CWC27: variants seen among roughly 807,000 people sequenced by gnomAD.
CWC27 encodes CWC27 spliceosome associated cyclophilin, also known as spliceosome-associated protein CWC27 homolog.
A neutral mutation model predicts 63.6 loss-of-function variants in CWC27; 47 were observed. The observed-to-expected ratio is 0.74, with a 90% CI of 0.58 to 0.94. The LOEUF (loss-of-function observed/expected upper bound fraction) is 0.94. CWC27 is among the 40% of genes least tolerant of loss of function. The probability of loss-of-function intolerance (pLI) is 0.00; values close to 1 mark genes in which losing one functional copy is unlikely to be tolerated. For synonymous variants in CWC27, 175 were observed against 179.8 expected, an observed-to-expected ratio of 0.97 and a Z score of 0.22; for missense variants, 495 against 554.3, an observed-to-expected ratio of 0.89 and a Z score of 1.07.
chr5:64,984,863 C>A (rs1207498468), intron 13 of CWC27, among the ~76,000 whole-genome samples: 1 of 152,076 alleles, frequency 6.6e-6, no homozygotes, highest in Non-Finnish European at 1.5e-5. Flanking sequence ...GAATTCTTTG[C>A]CCAACCTAAA....
intron 9 of CWC27, among the ~76,000 whole-genome samples, chr5:64,802,400 G>A (rs1054951874): frequency 1.3e-5 from 2 of 152,202 alleles, no homozygotes; most frequent in Non-Finnish European, 2.9e-5. Context: ...AGGCCATGGT[G>A]AGGGGTTTGA....
At chr5:64,874,400 G>T (rs533777117) in intron 10 of CWC27, among the ~76,000 whole-genome samples, 6 of 151,706 alleles carry the variant, frequency 4.0e-5, no homozygotes, top group African/African-American at 9.7e-5. Context: ...GACCTCGTTC[G>T]TGATCCTCCT....
chr5:64,809,992 C>T (rs1166575485), intron 10 of CWC27, among the ~76,000 whole-genome samples: 1 of 151,766 alleles, frequency 6.6e-6, no homozygotes, highest in African/African-American at 2.4e-5. Flanking sequence ...TCAGGCTATT[C>T]CCGCCTCTTT....
At chr5:64,957,520 A>G (rs572561250) in intron 11 of CWC27, among the ~76,000 whole-genome samples, 192 of 152,346 alleles carry the variant, frequency 1.3e-3, no homozygotes, top group African/African-American at 4.5e-3. Context: ...AAACAGGAAC[A>G]ACAAACTACA....
chr5:64,996,510 C>A (rs1018869932), intron 13 of CWC27, among the ~76,000 whole-genome samples: 2 of 152,120 alleles, frequency 1.3e-5, no homozygotes, highest in Admixed American at 1.3e-4. Flanking sequence ...AAGCACCAAT[C>A]TCCTTTAAAC....
intron 11 of CWC27, among the ~76,000 whole-genome samples, chr5:64,963,897 G>A (rs1282385632): frequency 6.6e-6 from 1 of 152,216 alleles, no homozygotes; most frequent in Non-Finnish European, 1.5e-5. Context: ...GAGGTGGTAT[G>A]ACTGCCTTGT....
At chr5:65,004,927 C>T (rs1372779219) in intron 13 of CWC27, among the ~76,000 whole-genome samples, 2 of 140,834 alleles carry the variant, frequency 1.4e-5, no homozygotes, top group Non-Finnish European at 3.1e-5. Context: ...CACACACACA[C>T]ACACACACTG....
At chr5:64,833,651 G>A (rs1456178060) in intron 10 of CWC27, among the ~76,000 whole-genome samples, 1 of 151,706 alleles carries the variant, frequency 6.6e-6, no homozygotes, top group Non-Finnish European at 1.5e-5. Flanking sequence ...TTATTTGGAA[G>A]TTGGTAACTC....
At chr5:64,918,434 A>G (rs1027933628) in intron 11 of CWC27, among the ~76,000 whole-genome samples, 1 of 152,174 alleles carries the variant, frequency 6.6e-6, no homozygotes, top group Non-Finnish European at 1.5e-5. Flanking sequence ...TCTTGCCACA[A>G]ATAAAAAAAA....
In CWC27 at chr5:64,990,451, G is replaced by C. The variant is rs1180542757; in HGVS notation, c.1256+13213G>C. On this transcript the variant is annotated intron_variant, in intron 13 of 13. Transcript: ENST00000381070. Reference sequence around the variant, plus strand: ...GGCTAATTTTTTTGTATTTTTAGTAGAGACGGGGTTTCACCGTTTTAGCCG... The same window carrying C: ...GGCTAATTTTTTTGTATTTTTAGTACAGACGGGGTTTCACCGTTTTAGCCG... Among the ~76,000 whole-genome samples, 9 of 109,312 alleles carry C rather than the reference G, an allele frequency of 8.2e-5. 3 individuals carry two copies. Among genetic ancestry groups the C allele is most frequent in the African/African-American group, 1.1e-4 (3 of 28,034 alleles). 71.7% of individuals were successfully genotyped at this position (109,312 alleles called of 152,430 possible).
At chr5:64,788,844 TG>T in intron 6 of CWC27, 106 bp from the exon 7 acceptor site, 1 of 691,188 alleles carries the variant, frequency 1.4e-6, no homozygotes, top group African/African-American at 1.8e-5. Context: ...ACAGTCAGAA[TG>T]TATTTCTTCT....
intron 11 of CWC27, among the ~76,000 whole-genome samples, chr5:64,927,308 C>T (rs1227829421): frequency 6.6e-6 from 1 of 152,160 alleles, no homozygotes; most frequent in Non-Finnish European, 1.5e-5. Flanking sequence ...TGAATAAATT[C>T]CACTATAGAT....
intron 10 of CWC27, among the ~76,000 whole-genome samples, chr5:64,822,017 G>C (rs1745211125): frequency 6.6e-6 from 1 of 152,210 alleles, no homozygotes; most frequent in Non-Finnish European, 1.5e-5. Context: ...CTGGGGCCAG[G>C]TCATGACGGG....
intron 7 of CWC27, 46 bp from the exon 8 acceptor site, chr5:64,800,202 T>A: frequency 8.1e-7 from 1 of 1,237,044 alleles, no homozygotes; most frequent in African/African-American, 1.6e-5. Context: ...TATTTAGGAA[T>A]ACTGTTTATT....
intron 2 of CWC27, among the ~76,000 whole-genome samples, chr5:64,778,813 T>A (rs974069473): frequency 2.0e-5 from 3 of 152,144 alleles, no homozygotes; most frequent in African/African-American, 7.2e-5. Flanking sequence ...CAGAGGGAAT[T>A]TGTCTGCACT....
intron 11 of CWC27, among the ~76,000 whole-genome samples, chr5:64,945,340 C>G (rs1419855632): frequency 6.6e-6 from 1 of 152,064 alleles, no homozygotes; most frequent in Non-Finnish European, 1.5e-5. Flanking sequence ...TTTCCTAACA[C>G]CTATAACAGT....
Position 64,811,941 on chromosome 5 carries a change from T to C in CWC27, c.938+7555T>C, listed in dbSNP as rs145588139. Among the ~76,000 whole-genome samples the C allele has an allele frequency of 2.2e-3, 341 of 152,086 alleles. 1 individual carries two copies. The highest frequency in any genetic ancestry group is 7.8e-3 in the African/African-American group (324 of 41,524). ...GTGTTTCAGATCTTCTTTTGTTGGGTTTGAAATATATGATTAGGAATTCTT... is the reference window on the plus strand; with the variant it reads ...GTGTTTCAGATCTTCTTTTGTTGGGCTTGAAATATATGATTAGGAATTCTT... On this transcript the variant is annotated intron_variant, in intron 10 of 13. Transcript: ENST00000381070.
intron 10 of CWC27, among the ~76,000 whole-genome samples, chr5:64,819,171 G>A (rs1745125901): frequency 6.6e-6 from 1 of 152,144 alleles, no homozygotes; most frequent in African/African-American, 2.4e-5. Flanking sequence ...GAGACAAAGT[G>A]AGAGGTTTCC....
At chr5:64,898,611 G>A (rs10055148) in intron 11 of CWC27, among the ~76,000 whole-genome samples, 62,415 of 151,734 alleles carry the variant, frequency 0.41, 14,330 homozygotes, top group African/African-American at 0.62. Flanking sequence ...AATTTCTATT[G>A]ATAGTGCTAG....
Sources: gnomAD v4.1 joint callset for allele counts (sites outside exome capture counted in the v4.1 genomes callset) on GRCh38, gnomAD v4.1.1 for gene constraint, MANE v1.5 for transcripts, NCBI Gene and HGNC (gene_info 2026-07-23, HGNC 2026-07-21) for gene names.